Variants in SPTSSB observed in about 807,000 individuals in gnomAD.
The protein encoded by SPTSSB is serine palmitoyltransferase small subunit B, also known as androgen down regulated in mouse prostate.
Under a neutral mutation model 7.7 loss-of-function variants are expected in SPTSSB, and 6 were observed. The ratio of observed to expected loss-of-function variants is 0.78; its 90% CI spans 0.43 to 1.54. The LOEUF (loss-of-function observed/expected upper bound fraction) is 1.54, where lower values mean the gene tolerates loss of function less well. Among genes scored for constraint, SPTSSB ranks in the 40% most tolerant of loss-of-function variants. The pLI is 0.01. For synonymous variants in SPTSSB, 28 were observed against 29.7 expected, an observed-to-expected ratio of 0.94 and a Z score of 0.19; for missense variants, 91 against 93.0, an observed-to-expected ratio of 0.98 and a Z score of 0.09.
At chr3:161,348,506 C>T (rs336577) in intron 2 of SPTSSB, among the ~76,000 whole-genome samples, 98,456 of 151,994 alleles carry the variant, frequency 0.65, 33,937 homozygotes, top group East Asian at 0.97. Context: ...TGTTTAAAAC[C>T]GCTAAAAGTC....
chr3:161,355,840 A>G (rs1451106324), intron 2 of SPTSSB, among the ~76,000 whole-genome samples: 1 of 152,250 alleles, frequency 6.6e-6, no homozygotes, highest in Non-Finnish European at 1.5e-5. Context: ...TGTGTAGTTT[A>G]CCACAATTAA....
chr3:161,356,295 C>T (rs1714766825), intron 2 of SPTSSB, among the ~76,000 whole-genome samples: 1 of 152,142 alleles, frequency 6.6e-6, no homozygotes, highest in Non-Finnish European at 1.5e-5. Context: ...TTTCTAAGGC[C>T]TTTGTTTTTC....
rs374478989 is a variant in SPTSSB, at chr3:161,367,395, G to A, written c.-126+4040C>T. 2.6e-5 allele frequency among the ~76,000 whole-genome samples: 4 copies of A among 152,312 alleles called. No individual in the cohort carries two copies. In the East Asian group the frequency reaches 7.7e-4, roughly 29 times the overall value. On this transcript the variant is annotated intron_variant, in intron 1 of 2. Coordinates refer to ENST00000620149, the MANE Select transcript of SPTSSB (RefSeq NM_001040100.2). ...ATGGAAAATCTTGAGGTTTCCTGAA[G>A]CCGGTAGACTTAAATCCCTAAAGCT... is the stretch of plus-strand genomic sequence containing the variant.
intron 1 of SPTSSB, among the ~76,000 whole-genome samples, chr3:161,361,168 G>A (rs1714999570): frequency 6.6e-6 from 1 of 152,146 alleles, no homozygotes; most frequent in Non-Finnish European, 1.5e-5. Flanking sequence ...AGGTATTAAA[G>A]GGTGTTATAG....
chr3:161,369,314 CTCTTTCTT>C (rs1553804940), intron 1 of SPTSSB, among the ~76,000 whole-genome samples: 2,331 of 65,624 alleles, frequency 0.036, 59 homozygotes, highest in Middle Eastern at 0.055. Context: ...TTCTTTCTTT[CTCTTTCTT>C]TCTTTCTTTC....
At chr3:161,350,308 G>T (rs764258027) in intron 2 of SPTSSB, among the ~76,000 whole-genome samples, 10 of 152,062 alleles carry the variant, frequency 6.6e-5, no homozygotes, top group African/African-American at 9.7e-5. Context: ...TGCCAAAAAA[G>T]AACTACCCCA....
Position 161,345,786 on chromosome 3 carries a change from A to G in SPTSSB, c.*307T>C, listed in dbSNP as rs563257175. 15 of 251,026 alleles carry G rather than the reference A, an allele frequency of 6.0e-5. No individual in the cohort carries two copies. The highest frequency in any genetic ancestry group is 1.1e-4 in the Non-Finnish European group (14 of 127,224). The allele number at this position is 251,026 out of a possible 1,614,324, so 15.5% of individuals were successfully genotyped here. ...TAGGTCTGTTAGGAGTCTATTTTCC[A>G]GAAAAATTTTGTAGGAAATTGTTCT... On this transcript the variant is annotated 3_prime_UTR_variant, in exon 3 of 3. Transcript: ENST00000620149.
At position 161,362,818 on chromosome 3, in the gene SPTSSB, G is replaced by C. The variant is rs549247873; in HGVS notation, c.-125-2924C>G. Among the ~76,000 whole-genome samples, 24 of 152,110 alleles carry C rather than the reference G, an allele frequency of 1.6e-4. No homozygotes were observed. The South Asian group carries it at 5.0e-3, about 32-fold the overall frequency. Reference sequence around the variant, plus strand: ...ACGGTATCTAATTTAGTGAGTAGTAGTGATATTATGTTTGATTACAAATGT... The same window carrying C: ...ACGGTATCTAATTTAGTGAGTAGTACTGATATTATGTTTGATTACAAATGT... On this transcript the variant is annotated intron_variant, in intron 1 of 2. Transcript: ENST00000620149.
chr3:161,356,420 A>C (rs1714772093), intron 2 of SPTSSB, among the ~76,000 whole-genome samples: 2 of 152,166 alleles, frequency 1.3e-5, no homozygotes, highest in South Asian at 2.1e-4. Context: ...GAATAATTTG[A>C]GGGTGAAAAT....
chr3:161,366,418 A>G (rs1047238528), intron 1 of SPTSSB, among the ~76,000 whole-genome samples: 1 of 152,196 alleles, frequency 6.6e-6, no homozygotes, highest in African/African-American at 2.4e-5. Flanking sequence ...CAGCAAATAT[A>G]GGCAGCAAAA....
At chr3:161,346,418 A>C in intron 2 of SPTSSB, 63 bp from the exon 3 acceptor site, 3 of 779,986 alleles carry the variant, frequency 3.8e-6, no homozygotes. Context: ...TTAAAATTTC[A>C]TGATCTCAGC....
intron 2 of SPTSSB, among the ~76,000 whole-genome samples, chr3:161,357,598 G>C (rs1422392527): frequency 1.3e-5 from 2 of 152,208 alleles, no homozygotes; most frequent in Non-Finnish European, 2.9e-5. Flanking sequence ...TCATGTCTTG[G>C]AAGCAGTGAA....
chr3:161,366,814 T>A lies in SPTSSB; in HGVS notation c.-126+4621A>T, dbSNP rs893666964. Among the ~76,000 whole-genome samples the A allele has an allele frequency of 2.0e-5, 3 of 152,322 alleles. No individual in the cohort carries two copies. In the East Asian group the frequency reaches 5.8e-4, roughly 29 times the overall value. On this transcript the variant is annotated intron_variant, in intron 1 of 2. Coordinates refer to ENST00000620149, the MANE Select transcript of SPTSSB (RefSeq NM_001040100.2). ...ATCTGTTGAATAAATGAATTATTAA[T>A]CCTGATGAAAGCAATATTTTAAAAG...
At chr3:161,358,053 T>G (rs912792687) in intron 2 of SPTSSB, among the ~76,000 whole-genome samples, 3 of 151,270 alleles carry the variant, frequency 2.0e-5, no homozygotes, top group South Asian at 2.1e-4. Context: ...TGTTTTTTTT[T>G]TTTTTTTTTG....
chr3:161,347,908 A>T (rs1714331697), intron 2 of SPTSSB: 1 of 152,144 alleles, frequency 6.6e-6, no homozygotes. Context: ...TTAAGTGATG[A>T]GTAATGTGGT....
intron 2 of SPTSSB, among the ~76,000 whole-genome samples, chr3:161,350,460 G>A (rs1483475312): frequency 1.3e-5 from 2 of 152,120 alleles, no homozygotes; most frequent in African/African-American, 2.4e-5. Context: ...AGGGCCTAAA[G>A]TTGATTTTTG....
At chr3:161,363,007 A>G (rs751783213) in intron 1 of SPTSSB, among the ~76,000 whole-genome samples, 11 of 152,092 alleles carry the variant, frequency 7.2e-5, no homozygotes, top group Non-Finnish European at 1.2e-4. Flanking sequence ...TAAATTTAAA[A>G]GTAACCAAAT....
intron 2 of SPTSSB, among the ~76,000 whole-genome samples, chr3:161,357,991 T>C (rs773564487): frequency 6.6e-6 from 1 of 151,786 alleles, no homozygotes; most frequent in Non-Finnish European, 1.5e-5. Flanking sequence ...ATATCTTCCT[T>C]AGAAATGGTA....
At chr3:161,361,636 T>C (rs1334671503) in intron 1 of SPTSSB, among the ~76,000 whole-genome samples, 1 of 152,170 alleles carries the variant, frequency 6.6e-6, no homozygotes, top group Non-Finnish European at 1.5e-5. Context: ...AATGCAACAT[T>C]GGTGAAAGGT....
Sources: gnomAD v4.1 joint callset for allele counts (sites outside exome capture counted in the v4.1 genomes callset) on GRCh38, gnomAD v4.1.1 for gene constraint, MANE v1.5 for transcripts, NCBI Gene and HGNC (gene_info 2026-07-23, HGNC 2026-07-21) for gene names.